Variants in CDH11 observed in about 807,000 individuals in gnomAD.
CDH11 encodes the protein cadherin 11.
CDH11 carries 11 observed loss-of-function variants against 67.8 expected under a neutral mutation model. That is an observed-to-expected ratio of 0.16 (90% CI 0.10 to 0.27). CDH11 has a LOEUF of 0.27. Ranked by LOEUF, CDH11 falls within the 10% of genes least tolerant of loss-of-function variation. CDH11 has a pLI of 1.00. For synonymous variants in CDH11, 419 were observed against 400.0 expected, an observed-to-expected ratio of 1.05 and a Z score of -0.57; for missense variants, 847 against 1,031.2, an observed-to-expected ratio of 0.82 and a Z score of 2.45.
intron 1 of CDH11, among the ~76,000 whole-genome samples, chr16:65,113,575 C>T (rs927355467): frequency 1.3e-5 from 2 of 152,052 alleles, no homozygotes; most frequent in Admixed American, 1.3e-4. Flanking sequence ...AGACTGTCTG[C>T]AATAGGGAAC....
chr16:65,112,360 T>C (rs1041276466), intron 1 of CDH11, among the ~76,000 whole-genome samples: 1 of 152,108 alleles, frequency 6.6e-6, no homozygotes, highest in East Asian at 1.9e-4. Flanking sequence ...TCTCTCCCTA[T>C]CATGTAGGAG....
intron 1 of CDH11, among the ~76,000 whole-genome samples, chr16:65,093,919 A>G (rs2074838146): frequency 6.6e-6 from 1 of 152,194 alleles, no homozygotes; most frequent in South Asian, 2.1e-4. Context: ...GAATATTAGA[A>G]CCAACTCTGC....
chr16:64,948,853 C>A, intron 12 of CDH11: 1 of 1,094,254 alleles, frequency 9.1e-7, no homozygotes, highest in South Asian at 1.6e-5. Flanking sequence ...TCATTGATTC[C>A]CTCTTTTCCC....
intron 8 of CDH11, among the ~76,000 whole-genome samples, chr16:64,976,706 A>G (rs749997502): frequency 1.4e-4 from 22 of 152,292 alleles, no homozygotes; most frequent in African/African-American, 5.3e-4. Context: ...CTAAATATAC[A>G]AAATTAGCTG....
In CDH11 at chr16:65,076,333, G is replaced by A. The variant is rs145980142; in HGVS notation, c.-297-22405C>T. ...TTGTTCTTTTCTTTTACAGGGTGAT[G>A]CCGACAAACCAAAAAAACAAAAACA... is the stretch of plus-strand genomic sequence containing the variant. On this transcript the variant is annotated intron_variant, in intron 1 of 12. Coordinates refer to ENST00000268603, the MANE Select transcript of CDH11 (RefSeq NM_001797.4). Among the ~76,000 whole-genome samples, 1,055 of 152,124 alleles carry A rather than the reference G, an allele frequency of 6.9e-3. 14 individuals carry two copies. The highest frequency in any genetic ancestry group is 7.0e-3 in the Non-Finnish European group (475 of 68,002).
chr16:65,082,697 T>C (rs181874807), intron 1 of CDH11, among the ~76,000 whole-genome samples: 1 of 152,348 alleles, frequency 6.6e-6, no homozygotes, highest in East Asian at 1.9e-4. Flanking sequence ...AAAGGCAGGA[T>C]ATATAGTGAA....
At position 65,083,329 on chromosome 16, in the gene CDH11, G is replaced by T. The variant is rs371066664; in HGVS notation, c.-297-29401C>A. Among the ~76,000 whole-genome samples the T allele has an allele frequency of 3.9e-5, 6 of 152,320 alleles. No homozygotes were observed. In the South Asian group the frequency reaches 6.2e-4, roughly 16 times the overall value. On this transcript the variant is annotated intron_variant, in intron 1 of 12. Transcript: ENST00000268603. ...AGCCTTGCTTTACTCACTGACTAATGGGAAAGAAGGACGTGAGAGCACATT... is the reference window on the plus strand; with the variant it reads ...AGCCTTGCTTTACTCACTGACTAATTGGAAAGAAGGACGTGAGAGCACATT...
intron 2 of CDH11, among the ~76,000 whole-genome samples, chr16:65,012,729 C>T (rs952980611): frequency 1.3e-5 from 2 of 152,194 alleles, no homozygotes; most frequent in African/African-American, 4.8e-5. Context: ...AGCAAGCTTC[C>T]TGTATGTAAA....
At chr16:65,012,938 A>G (rs973948572) in intron 2 of CDH11, among the ~76,000 whole-genome samples, 9 of 152,238 alleles carry the variant, frequency 5.9e-5, no homozygotes. Context: ...TCAAGATTCT[A>G]GTGATCTAGC....
chr16:64,988,574 TGCTGGG>T (rs1454371498), intron 6 of CDH11, among the ~76,000 whole-genome samples: 1 of 152,110 alleles, frequency 6.6e-6, no homozygotes, highest in Non-Finnish European at 1.5e-5. Flanking sequence ...CCAGGTGAAA[TGCTGGG>T]GTCACCTGCC....
chr16:64,944,919 AGGTGGATACTTT>A lies in CDH11; in HGVS notation c.*2672_*2683del. On this transcript the variant is annotated 3_prime_UTR_variant, in exon 13 of 13. Coordinates refer to ENST00000268603, the MANE Select transcript of CDH11 (RefSeq NM_001797.4). ...GTAAATAGGTGATTATAAGACAACA[AGGTGGATACTTT>A]GGTACAGGGCTGAATTATCAAAAGA... 4.6e-6 allele frequency: 1 copy of A among 218,070 alleles called. No homozygotes were observed. Among genetic ancestry groups the A allele is most frequent in the Non-Finnish European group, 9.2e-6 (1 of 108,472 alleles). 13.5% of individuals were successfully genotyped at this position (218,070 alleles called of 1,614,324 possible).
intron 2 of CDH11, among the ~76,000 whole-genome samples, chr16:65,005,557 TA>T (rs1226280910): frequency 1.3e-5 from 2 of 152,048 alleles, no homozygotes; most frequent in Non-Finnish European, 2.9e-5. Flanking sequence ...CTGGAGGTAG[TA>T]ACGAAGAAGG....
chr16:65,077,340 G>C (rs886175260), intron 1 of CDH11, among the ~76,000 whole-genome samples: 1 of 152,170 alleles, frequency 6.6e-6, no homozygotes, highest in Non-Finnish European at 1.5e-5. Context: ...TCTGAGCCTG[G>C]CATGAGGTAG....
intron 11 of CDH11, among the ~76,000 whole-genome samples, chr16:64,958,814 A>G (rs1308415805): frequency 6.6e-6 from 1 of 152,184 alleles, no homozygotes; most frequent in Non-Finnish European, 1.5e-5. Context: ...TTCTAGATAA[A>G]AGAACAGTTC....
intron 3 of CDH11, among the ~76,000 whole-genome samples, chr16:64,999,098 C>T (rs536592788): frequency 6.6e-6 from 1 of 151,992 alleles, no homozygotes; most frequent in South Asian, 2.1e-4. Context: ...AAGATTCATG[C>T]TCTCCTTTCA....
intron 1 of CDH11, among the ~76,000 whole-genome samples, chr16:65,067,383 C>G (rs1244715747): frequency 6.6e-6 from 1 of 152,090 alleles, no homozygotes; most frequent in East Asian, 1.9e-4. Context: ...AGTGGGGGTA[C>G]AAGAGTGTGA....
intron 1 of CDH11, among the ~76,000 whole-genome samples, chr16:65,106,444 C>G (rs1177912259): frequency 6.6e-6 from 1 of 152,174 alleles, no homozygotes; most frequent in Non-Finnish European, 1.5e-5. Flanking sequence ...TTCTGAAGAC[C>G]TGCCTTAGAG....
intron 1 of CDH11, among the ~76,000 whole-genome samples, chr16:65,102,522 T>A (rs1221101556): frequency 2.0e-5 from 3 of 152,254 alleles, no homozygotes; most frequent in Non-Finnish European, 4.4e-5. Flanking sequence ...CTTGCCCATA[T>A]GACCCTGGCC....
At chr16:65,122,172 G>C (rs1193698248), upstream of CDH11, 3 of 555,258 alleles carry the variant, frequency 5.4e-6, no homozygotes, top group Non-Finnish European at 3.2e-6. Context: ...CCGCTGTGAG[G>C]GAAGGAAAGG....
Sources: gnomAD v4.1 joint callset for allele counts (sites outside exome capture counted in the v4.1 genomes callset) on GRCh38, gnomAD v4.1.1 for gene constraint, MANE v1.5 for transcripts, NCBI Gene and HGNC (gene_info 2026-07-23, HGNC 2026-07-21) for gene names.